The following MARK2 variants were observed in gnomAD, a reference collection of about 807,000 sequenced individuals.
The protein encoded by MARK2 is serine/threonine-protein kinase MARK2.
MARK2 carries 16 observed loss-of-function variants against 89.8 expected under a neutral mutation model. The ratio of observed to expected loss-of-function variants is 0.18; its 90% CI spans 0.12 to 0.27. The LOEUF (loss-of-function observed/expected upper bound fraction) is 0.27. Ranked by LOEUF, MARK2 falls within the 10% of genes least tolerant of loss-of-function variation. The pLI is 1.00. For synonymous variants in MARK2, 382 were observed against 399.5 expected (o/e 0.96, Z 0.52); for missense variants, 621 against 1,049.9 (o/e 0.59, Z 5.65).
At chr11:63,907,611 G>A (rs1003050685) in intron 17 of MARK2, among the ~76,000 whole-genome samples, 8 of 148,160 alleles carry the variant, frequency 5.4e-5, no homozygotes, top group African/African-American at 1.5e-4. Context: ...TCCTCCCTGC[G>A]TATGAGCAGA....
rs1381159581 is a variant in MARK2 at position 63,856,319 on chromosome 11, TTG to T, written c.54+16761_54+16762del. ...CACTGGCCCTGTGGGTTTTTTTTTT[TTG>T]TTTTTTTTTTTTTTTTAAATATATG... On this transcript the variant is annotated intron_variant, in intron 1 of 18. Coordinates refer to ENST00000402010, the MANE Select transcript of MARK2 (RefSeq NM_001039469.3). Among the ~76,000 whole-genome samples, 135 of 58,530 alleles carry T rather than the reference TTG, an allele frequency of 2.3e-3. 1 individual carries two copies. The highest frequency in any genetic ancestry group is 4.9e-3 in the African/African-American group (124 of 25,430). The allele number at this position is 58,530 out of a possible 152,430, so 38.4% of individuals were successfully genotyped here.
At position 63,899,081 on chromosome 11, in the gene MARK2, G is replaced by T; in HGVS notation, c.504G>T (p.Gln168His). The T allele has an allele frequency of 6.2e-7, 1 of 1,612,496 alleles. No homozygotes were observed. The highest frequency in any genetic ancestry group is 8.5e-7 in the Non-Finnish European group (1 of 1,179,106). ...TGTCTGCTGTGCAGTACTGTCACCA[G>T]AAGTTTATTGTCCATAGAGACTTAA... ...QIVSAVQYCH[Q>H]KFIVHRDLKA... Residue 168 changes from glutamine (Q) to histidine (H), a missense_variant, in exon 7 of 19, where the codon CAG becomes CAT. Coordinates refer to ENST00000402010, the MANE Select transcript of MARK2 (RefSeq NM_001039469.3).
chr11:63,842,565 G>A (rs1177802406), intron 1 of MARK2, among the ~76,000 whole-genome samples: 1 of 152,074 alleles, frequency 6.6e-6, no homozygotes, highest in Non-Finnish European at 1.5e-5. Flanking sequence ...AGGTCACAAG[G>A]CCAGGTATAT....
chr11:63,883,253 G>C (rs1054697254), intron 1 of MARK2, among the ~76,000 whole-genome samples: 7 of 152,166 alleles, frequency 4.6e-5, no homozygotes, highest in Non-Finnish European at 8.8e-5. Context: ...CACAGAGGGC[G>C]AAGGCATGGG....
chr11:63,892,832 C>T (rs1014582273), intron 1 of MARK2, among the ~76,000 whole-genome samples: 2 of 149,256 alleles, frequency 1.3e-5, no homozygotes, highest in Non-Finnish European at 3.0e-5. Flanking sequence ...TGGGTTCAAG[C>T]GATCCTCCCG....
At chr11:63,892,104 A>G (rs577928995) in intron 1 of MARK2, among the ~76,000 whole-genome samples, 1 of 152,366 alleles carries the variant, frequency 6.6e-6, no homozygotes, top group African/African-American at 2.4e-5. Context: ...GAATGAGCAG[A>G]CAATAAGAGC....
At chr11:63,883,440 G>A (rs941623954) in intron 1 of MARK2, among the ~76,000 whole-genome samples, 26 of 152,176 alleles carry the variant, frequency 1.7e-4, no homozygotes, top group African/African-American at 6.3e-4. Context: ...TCTAGGTATT[G>A]TAGCTCTTCC....
Position 63,904,005 on chromosome 11 carries a change from C to T in MARK2, c.1534C>T (p.Arg512Trp), listed in dbSNP as rs376530913. ...GKDSLTMPGS[R>W]ASTASASAAV... is the part of the protein sequence containing the mutation. ...TCCTAGCCTAACCATGCCAGGGTCCCGGGCCTCCACGGCTTCTGCTTCTGC... is the reference window on the plus strand; with the variant it reads ...TCCTAGCCTAACCATGCCAGGGTCCTGGGCCTCCACGGCTTCTGCTTCTGC... The change falls in exon 15 of 19, where the codon CGG (arginine) becomes TGG (tryptophan). Residue 512 changes from arginine to tryptophan, a missense_variant. Around this residue, in one of 5 missense-constraint regions of MARK2, gnomAD observed 397 missense variants for 567.8 expected, o/e 0.70. Transcript: ENST00000402010. The surrounding 1 kb of genome is among the most constrained non-coding windows in gnomAD (Gnocchi z 6.3). 2.0e-5 allele frequency: 32 copies of T among 1,608,238 alleles called. No individual in the cohort carries two copies. The highest frequency in any genetic ancestry group is 2.3e-5 in the Non-Finnish European group (27 of 1,178,056).
At chr11:63,861,924 C>CTTT (rs71039682) in intron 1 of MARK2, among the ~76,000 whole-genome samples, 12 of 97,638 alleles carry the variant, frequency 1.2e-4, no homozygotes, top group Non-Finnish European at 1.5e-4. Flanking sequence ...TTCTTTCTTT[C>CTTT]TTTTTTTTTT....
At chr11:63,854,140 T>C (rs2016715695) in intron 1 of MARK2, among the ~76,000 whole-genome samples, 1 of 151,634 alleles carries the variant, frequency 6.6e-6, no homozygotes, top group Non-Finnish European at 1.5e-5. Context: ...CCCAAAGTGC[T>C]GGGATTACAG....
chr11:63,889,550 G>T (rs993885904), intron 1 of MARK2, among the ~76,000 whole-genome samples: 7 of 152,228 alleles, frequency 4.6e-5, no homozygotes, highest in African/African-American at 9.6e-5. Flanking sequence ...GCTGTCTTCC[G>T]GGCAAGCCTG....
intron 3 of MARK2, 57 bp from the exon 4 acceptor site, chr11:63,898,175 G>A (rs904785540): frequency 1.4e-6 from 2 of 1,478,394 alleles, no homozygotes; most frequent in East Asian, 2.3e-5. Context: ...GGACTGTTTG[G>A]AGAGACCTGA....
Position 63,903,376 on chromosome 11 carries a change from G to A in MARK2, c.1514+218G>A, listed in dbSNP as rs1941060776. ...CTGCTACTTGCAGTTTGCCAAGTGTGGGGCTGACCGTGGCCATCTCAGCTA... is the reference window on the plus strand; with the variant it reads ...CTGCTACTTGCAGTTTGCCAAGTGTAGGGCTGACCGTGGCCATCTCAGCTA... On this transcript the variant is annotated intron_variant, in intron 14 of 18. Transcript: ENST00000402010. This position sits in a 1 kb window ranked among gnomAD's most constrained non-coding sequence, Gnocchi z 5.1. The A allele has an allele frequency of 1.8e-6, 1 of 560,058 alleles. No homozygotes were observed. Among genetic ancestry groups the A allele is most frequent in the South Asian group, 2.0e-5 (1 of 50,384 alleles). The allele number at this position is 560,058 out of a possible 1,614,324, so 34.7% of individuals were successfully genotyped here. A position where few individuals can be genotyped will look rare whatever the true frequency, so the allele number is the denominator to read the frequency against.
intron 1 of MARK2, 121 bp from the exon 2 acceptor site, chr11:63,895,038 T>C (rs894074718): frequency 3.5e-5 from 25 of 716,940 alleles, no homozygotes; most frequent in Admixed American, 2.5e-4. Context: ...ATATCATTCT[T>C]CACATGCCTA....
chr11:63,907,872 C>A (rs1590717209), intron 17 of MARK2, among the ~76,000 whole-genome samples: 1 of 152,380 alleles, frequency 6.6e-6, no homozygotes, highest in East Asian at 1.9e-4. Flanking sequence ...GCACTCACAC[C>A]TGCAACCCCC....
Position 63,863,546 on chromosome 11 carries a change from C to A in MARK2, c.54+23986C>A, listed in dbSNP as rs1284260858. On this transcript the variant is annotated intron_variant, in intron 1 of 18. Transcript: ENST00000402010. The stretch of plus-strand genomic sequence containing the variant: ...GTGGCGCAATCTCAGCTCACTGCAA[C>A]CTCTGCCTCCTGGGTTCAAGTGATT... Among the ~76,000 whole-genome samples, 5 of 147,084 alleles carry A rather than the reference C, an allele frequency of 3.4e-5. No homozygotes were observed. In the East Asian group the frequency reaches 1.0e-3, roughly 30 times the overall value.
intron 1 of MARK2, among the ~76,000 whole-genome samples, chr11:63,858,048 A>G (rs2016954766): frequency 1.3e-5 from 2 of 151,392 alleles, no homozygotes; most frequent in Non-Finnish European, 2.9e-5. Context: ...GTTTTTTGAG[A>G]TGGAGTTTTG....
Position 63,910,430 on chromosome 11 carries a change from G to A in MARK2, c.*1193G>A, listed in dbSNP as rs1941677463. 6.6e-6 allele frequency: 1 copy of A among 152,252 alleles called. No individual in the cohort carries two copies. Among genetic ancestry groups the A allele is most frequent in the Admixed American group, 6.5e-5 (1 of 15,284 alleles). 9.4% of individuals were successfully genotyped at this position (152,252 alleles called of 1,614,324 possible). A position where few individuals can be genotyped will look rare whatever the true frequency, so the allele number is the denominator to read the frequency against. On this transcript the variant is annotated 3_prime_UTR_variant, in exon 19 of 19. Transcript: ENST00000402010. ...TCTGCCCTCCACAGGGTGGGGGACA[G>A]ATAGGCTAAGCGACTCCCAGCTTGC...
chr11:63,900,589 T>C lies in MARK2; in HGVS notation c.799T>C (p.Tyr267His). Residue 267 changes from tyrosine (Y) to histidine (H), a missense_variant, in exon 9 of 19, where the codon TAC (tyrosine) becomes CAC (histidine). Transcript: ENST00000402010. The surrounding 1 kb of genome is among the most constrained non-coding windows in gnomAD (Gnocchi z 4.7). The stretch of plus-strand genomic sequence containing the variant: ...GCGGGAACGGGTACTGAGGGGAAAA[T>C]ACCGTATTCCATTCTACATGTCCAC... Reference protein sequence around the residue: ...ELRERVLRGKYRIPFYMSTDC... With the variant: ...ELRERVLRGKHRIPFYMSTDC... The C allele has an allele frequency of 6.2e-7, 1 of 1,614,052 alleles. No homozygotes were observed. Among genetic ancestry groups the C allele is most frequent in the Non-Finnish European group, 8.5e-7 (1 of 1,179,970 alleles).
Sources: allele counts gnomAD v4.1 joint callset (sites outside exome capture counted in the v4.1 genomes callset), GRCh38; gene constraint gnomAD v4.1.1; regional missense constraint gnomAD v4.1.1; non-coding constraint Gnocchi (gnomAD v3.1); transcripts MANE v1.5; gene names NCBI Gene and HGNC (gene_info 2026-07-23, HGNC 2026-07-21).